GALNT13: variants seen among roughly 807,000 people sequenced by gnomAD.
GALNT13 encodes UDP-GalNAc:polypeptide N-acetylgalactosaminyltransferase 13.
GALNT13 carries 28 observed loss-of-function variants against 64.2 expected under a neutral mutation model. The ratio of observed to expected loss-of-function variants is 0.44; its 90% confidence interval spans 0.32 to 0.60. The LOEUF is 0.60. GALNT13 is among the 20% of genes least tolerant of loss of function. The pLI, the probability that GALNT13 is intolerant of heterozygous loss-of-function variation, is 0.05. For missense variants in GALNT13, 577 were observed against 669.8 expected, an observed-to-expected ratio of 0.86 and a Z score of 1.53; for synonymous variants, 214 against 224.6, an observed-to-expected ratio of 0.95 and a Z score of 0.42.
the GALNT13 span, among the ~76,000 whole-genome samples, chr2:153,277,473 G>T: frequency 1.3e-5 from 2 of 152,126 alleles, no homozygotes; most frequent in East Asian, 3.8e-4. Flanking sequence ...TACCTAAATT[G>T]ATTCCATGTC....
At chr2:153,781,360 C>G in the GALNT13 span, among the ~76,000 whole-genome samples, 2 of 152,198 alleles carry the variant, frequency 1.3e-5, no homozygotes, top group East Asian at 3.9e-4. Context: ...TCATCCTCAC[C>G]CTGCCATCTT....
In GALNT13 at chr2:154,073,637, A is replaced by C. The variant is rs570493503; in HGVS notation, c.143-66700A>C. On this transcript the variant is annotated intron_variant, in intron 3 of 12. Coordinates refer to ENST00000392825, the MANE Select transcript of GALNT13 (RefSeq NM_052917.4). ...GCAGAATGTTACAAAATCATGAAGA[A>C]ATTTAAAAATTCATTCAAAATGCAA... Among the ~76,000 whole-genome samples the C allele has an allele frequency of 4.3e-4, 66 of 152,036 alleles. 1 individual carries two copies. In the South Asian group the frequency reaches 9.1e-3, roughly 21 times the overall value.
At chr2:153,305,696 C>G in the GALNT13 span, among the ~76,000 whole-genome samples, 1 of 152,258 alleles carries the variant, frequency 6.6e-6, no homozygotes, top group Admixed American at 6.5e-5. Flanking sequence ...TCCAGTTGAT[C>G]TGGGGTCCTA....
the GALNT13 span, among the ~76,000 whole-genome samples, chr2:153,546,823 T>G: frequency 0.015 from 2,221 of 152,346 alleles, 24 homozygotes; most frequent in Middle Eastern, 0.041. Flanking sequence ...TGTGTTTTCC[T>G]AAGTCTTTTT....
chr2:153,958,168 G>T (rs1692705720), intron 3 of GALNT13, among the ~76,000 whole-genome samples: 1 of 152,168 alleles, frequency 6.6e-6, no homozygotes, highest in Non-Finnish European at 1.5e-5. Flanking sequence ...AGGATGAGGT[G>T]TGCCTGATGT....
At chr2:153,823,826 T>C in the GALNT13 span, among the ~76,000 whole-genome samples, 968 of 152,106 alleles carry the variant, frequency 6.4e-3, 12 homozygotes, top group African/African-American at 0.022. Context: ...ACAGAGTAAA[T>C]AGATGACCTA....
Position 154,136,452 on chromosome 2 carries a change from G to A in GALNT13, c.143-3885G>A, listed in dbSNP as rs191236771. On this transcript the variant is annotated intron_variant, in intron 3 of 12. Coordinates refer to ENST00000392825, the MANE Select transcript of GALNT13 (RefSeq NM_052917.4). Reference sequence around the variant, plus strand: ...TAGTTCATTTCTCTTTTTTCAAAGAGACACTGCCCACTAATAAAGGGGTAA... The same window carrying A: ...TAGTTCATTTCTCTTTTTTCAAAGAAACACTGCCCACTAATAAAGGGGTAA... Among the ~76,000 whole-genome samples, 1,245 of 152,054 alleles carry A rather than the reference G, an allele frequency of 8.2e-3. 7 individuals carry two copies. The highest frequency in any genetic ancestry group is 0.014 in the South Asian group (66 of 4,820).
the GALNT13 span, among the ~76,000 whole-genome samples, chr2:153,510,805 G>A: frequency 6.6e-6 from 1 of 152,058 alleles, no homozygotes; most frequent in African/African-American, 2.4e-5. Flanking sequence ...AGAGACTGTG[G>A]TTGGCGAGGT....
chr2:154,388,830 A>C (rs937346440), intron 9 of GALNT13, among the ~76,000 whole-genome samples: 1 of 152,192 alleles, frequency 6.6e-6, no homozygotes, highest in African/African-American at 2.4e-5. Context: ...AAAAATTATT[A>C]GCTTAAACTG....
chr2:153,923,650 C>A (rs1292254628), intron 2 of GALNT13, among the ~76,000 whole-genome samples: 1 of 151,790 alleles, frequency 6.6e-6, no homozygotes, highest in Non-Finnish European at 1.5e-5. Flanking sequence ...ATTAACTTGT[C>A]ATTTACATTA....
At chr2:154,327,442 CTATGA>C (rs1241698087) in intron 9 of GALNT13, among the ~76,000 whole-genome samples, 2 of 152,066 alleles carry the variant, frequency 1.3e-5, no homozygotes, top group East Asian at 3.9e-4. Context: ...AAATTGTCTG[CTATGA>C]TCCAAGTTGG....
At chr2:153,345,686 T>TCTTG in the GALNT13 span, among the ~76,000 whole-genome samples, 8 of 145,624 alleles carry the variant, frequency 5.5e-5, 1 homozygote, top group African/African-American at 2.1e-4. Context: ...TTTCTTTCTT[T>TCTTG]CTTTCTTTCT....
At chr2:153,944,105 A>G (rs116525504) in intron 2 of GALNT13, among the ~76,000 whole-genome samples, 127 of 152,284 alleles carry the variant, frequency 8.3e-4, no homozygotes, top group African/African-American at 2.9e-3. Context: ...CTGGAGCTAT[A>G]AAGAATATCA....
At chr2:154,422,423 G>C (rs563567801) in intron 11 of GALNT13, among the ~76,000 whole-genome samples, 7 of 152,062 alleles carry the variant, frequency 4.6e-5, no homozygotes, top group African/African-American at 1.7e-4. Context: ...TACAAAGCAT[G>C]AAGCTACATG....
the GALNT13 span, among the ~76,000 whole-genome samples, chr2:153,534,509 C>T: frequency 6.7e-5 from 10 of 149,982 alleles, no homozygotes; most frequent in Non-Finnish European, 1.3e-4. Flanking sequence ...GCAAGTTAGG[C>T]CCCTCTTTCT....
chr2:154,222,641 A>G (rs1688380177), intron 4 of GALNT13, among the ~76,000 whole-genome samples: 1 of 152,122 alleles, frequency 6.6e-6, no homozygotes, highest in African/African-American at 2.4e-5. Flanking sequence ...AGGCAAGGTC[A>G]GTGATTGGAG....
At chr2:153,617,270 T>C in the GALNT13 span, among the ~76,000 whole-genome samples, 1 of 152,052 alleles carries the variant, frequency 6.6e-6, no homozygotes, top group Non-Finnish European at 1.5e-5. Flanking sequence ...GTTTTTATTA[T>C]GAAGGGATGA....
chr2:153,674,243 A>C, the GALNT13 span, among the ~76,000 whole-genome samples: 2 of 152,208 alleles, frequency 1.3e-5, no homozygotes, highest in Non-Finnish European at 2.9e-5. Context: ...CGCATTGCCA[A>C]GACAATCCTA....
chr2:153,771,469 A>T, the GALNT13 span, among the ~76,000 whole-genome samples: 453 of 152,126 alleles, frequency 3.0e-3, 3 homozygotes, highest in African/African-American at 0.01. Context: ...AAACCTGGAG[A>T]TATATCCAGG....
Sources: allele counts gnomAD v4.1 joint callset (sites outside exome capture counted in the v4.1 genomes callset), GRCh38; gene constraint gnomAD v4.1.1; transcripts MANE v1.5; gene names NCBI Gene and HGNC (gene_info 2026-07-23, HGNC 2026-07-21).